Variants in SPICE1 observed in about 807,000 individuals in gnomAD.
SPICE1 encodes spindle and centriole-associated protein 1.
Under a neutral mutation model 102.7 loss-of-function variants are expected in SPICE1, and 75 were observed. The ratio of observed to expected loss-of-function variants is 0.73; its 90% CI spans 0.61 to 0.88. SPICE1 has a LOEUF of 0.88. Among genes scored for constraint, SPICE1 ranks in the 40% least tolerant of loss-of-function variants. The probability of loss-of-function intolerance (pLI) is 0.00; values close to 1 mark genes in which losing one functional copy is unlikely to be tolerated. For missense variants in SPICE1, 979 were observed against 1,020.1 expected (o/e 0.96, Z 0.55); for synonymous variants, 308 against 350.3 (o/e 0.88, Z 1.35).
At chr3:113,499,285 C>G in intron 4 of SPICE1, 154 bp downstream of exon 4, 1 of 733,152 alleles carries the variant, frequency 1.4e-6, no homozygotes, top group Non-Finnish European at 2.0e-6. Flanking sequence ...CTCCAGTCAC[C>G]ACTCTGTTGC....
chr3:113,485,058 C>T (rs746701292), intron 7 of SPICE1, among the ~76,000 whole-genome samples: 9 of 152,224 alleles, frequency 5.9e-5, no homozygotes, highest in African/African-American at 1.4e-4. Flanking sequence ...CCACAGTCTT[C>T]GCAACCCGCA....
At chr3:113,497,682 T>TAG (rs71134894) in intron 4 of SPICE1, among the ~76,000 whole-genome samples, 22,264 of 136,096 alleles carry the variant, frequency 0.16, 2,314 homozygotes, top group East Asian at 0.3. Context: ...CATACATACA[T>TAG]AGAGAGAGAG....
At chr3:113,449,351 A>G (rs1935589708) in intron 15 of SPICE1, 1 of 152,220 alleles carries the variant, frequency 6.6e-6, no homozygotes, top group African/African-American at 2.4e-5. Context: ...GTTCGCACAT[A>G]GTACATGTTC....
chr3:113,483,316 G>A (rs1417637391), intron 7 of SPICE1, among the ~76,000 whole-genome samples: 1 of 152,150 alleles, frequency 6.6e-6, no homozygotes, highest in Non-Finnish European at 1.5e-5. Context: ...CTGAGACGAT[G>A]GTGTTTTCTA....
intron 15 of SPICE1, chr3:113,449,682 T>C (rs1266678084): frequency 6.6e-6 from 1 of 152,318 alleles, no homozygotes; most frequent in Admixed American, 6.5e-5. Context: ...CAATTACTGG[T>C]ACATGGAGCT....
intron 6 of SPICE1, among the ~76,000 whole-genome samples, chr3:113,489,528 C>T (rs16861045): frequency 0.043 from 6,529 of 152,240 alleles, 170 homozygotes; most frequent in East Asian, 0.1. Flanking sequence ...TCCCTTACTT[C>T]TCTGACCACT....
At chr3:113,479,127 C>T (rs4425226) in intron 7 of SPICE1, among the ~76,000 whole-genome samples, 2 of 114,622 alleles carry the variant, frequency 1.7e-5, no homozygotes, top group East Asian at 3.1e-4. Flanking sequence ...CCTCCCCCCA[C>T]CCCCCACCCC....
At chr3:113,466,455 C>T (rs1051533092) in intron 10 of SPICE1, among the ~76,000 whole-genome samples, 2 of 151,724 alleles carry the variant, frequency 1.3e-5, no homozygotes, top group South Asian at 2.1e-4. Context: ...ACTAAAAATA[C>T]GAAAATTAAC....
At chr3:113,486,494 A>G in intron 7 of SPICE1, among the ~76,000 whole-genome samples, 1 of 151,398 alleles carries the variant, frequency 6.6e-6, no homozygotes, top group South Asian at 2.1e-4. Flanking sequence ...AAATAGACAC[A>G]ATAAAAAATG....
At chr3:113,475,589 A>G (rs1171076143) in intron 7 of SPICE1, among the ~76,000 whole-genome samples, 2 of 152,142 alleles carry the variant, frequency 1.3e-5, no homozygotes, top group Non-Finnish European at 2.9e-5. Context: ...ATCCACCATG[A>G]TCAAGTGGGC....
chr3:113,481,989 ACT>A (rs1247426751), intron 7 of SPICE1, among the ~76,000 whole-genome samples: 12 of 152,320 alleles, frequency 7.9e-5, no homozygotes, highest in Middle Eastern at 3.4e-3. Context: ...GAATCGCCAC[ACT>A]GTCTTCCACA....
intron 4 of SPICE1, among the ~76,000 whole-genome samples, chr3:113,497,029 G>A (rs1936905486): frequency 6.6e-6 from 1 of 152,172 alleles, no homozygotes; most frequent in African/African-American, 2.4e-5. Context: ...CAGAACTCCT[G>A]CATTTTAGCC....
chr3:113,459,523 C>G, intron 12 of SPICE1: 1 of 984,844 alleles, frequency 1.0e-6, no homozygotes, highest in Non-Finnish European at 1.2e-6. Context: ...TAATTAAAAG[C>G]TTTCTCAGTA....
chr3:113,486,156 C>CATATATATATATATATATATAT lies in SPICE1; in HGVS notation c.611+2788_611+2789insATATATATATATATATATATAT, dbSNP rs61506451. Among the ~76,000 whole-genome samples, 8 of 142,040 alleles carry CATATATATATATATATATATAT rather than the reference C, an allele frequency of 5.6e-5. No homozygotes were observed. The East Asian group carries it at 1.5e-3, about 26-fold the overall frequency. 93.2% of individuals were successfully genotyped at this position (142,040 alleles called of 152,430 possible). ...AAATACTGAAAATAACCTAAATGAC[C>CATATATATATATATATATATAT]ATATATATATATATATAGTATATCA... is the stretch of plus-strand genomic sequence containing the variant. On this transcript the variant is annotated intron_variant, in intron 7 of 17. Coordinates refer to ENST00000295872, the MANE Select transcript of SPICE1 (RefSeq NM_144718.4).
At chr3:113,503,609 A>G (rs1212676115) in intron 2 of SPICE1, among the ~76,000 whole-genome samples, 2 of 152,208 alleles carry the variant, frequency 1.3e-5, no homozygotes, top group Non-Finnish European at 2.9e-5. Context: ...CCAGGATTCC[A>G]CAACGTAACG....
At position 113,493,225 on chromosome 3, in the gene SPICE1, T is replaced by A; in HGVS notation, c.473A>T (p.Glu158Val). 6.2e-7 allele frequency: 1 copy of A among 1,606,864 alleles called. No homozygotes were observed. The highest frequency in any genetic ancestry group is 8.5e-7 in the Non-Finnish European group (1 of 1,177,170). The part of the protein sequence containing the change: ...QDPITQSIFN[E>V]SVIEPQALND... ...CATTACCTGAGGTTCTATGACAGAC[T>A]CATTAAAGATAGATTGGGTGATAGG... Residue 158 changes from glutamate (E) to valine (V), a missense_variant, in exon 6 of 18, where the codon GAG (glutamate) becomes GTG (valine). Glu to Val is a moderately radical substitution (Grantham distance 121). Transcript: ENST00000295872.
chr3:113,451,139 A>C (rs1383921376), intron 14 of SPICE1, among the ~76,000 whole-genome samples: 1 of 152,190 alleles, frequency 6.6e-6, no homozygotes, highest in Non-Finnish European at 1.5e-5. Flanking sequence ...CAGGCTTCAA[A>C]TATGCACCAT....
chr3:113,453,683 G>A lies in SPICE1; in HGVS notation c.1925C>T (p.Thr642Ile), dbSNP rs1935712770. 6.2e-7 allele frequency: 1 copy of A among 1,614,050 alleles called. No individual in the cohort carries two copies. The highest frequency in any genetic ancestry group is 1.3e-5 in the African/African-American group (1 of 74,904). The change falls in exon 14 of 18, where the codon ACA (threonine) becomes ATA (isoleucine). Residue 642 changes from threonine (T) to isoleucine (I), a missense_variant. By Grantham distance (89) the Thr-to-Ile change is moderately conservative (BLOSUM62 -1). Coordinates refer to ENST00000295872, the MANE Select transcript of SPICE1 (RefSeq NM_144718.4). ...CAGTACTGGGAGCTCTTCTGAGAATGTGGGGCTTCTTGACTGTTGAGTGTT... is the reference window on the plus strand; with the variant it reads ...CAGTACTGGGAGCTCTTCTGAGAATATGGGGCTTCTTGACTGTTGAGTGTT... ...HSNTQQSRSP[T>I]FSEELPVLGD...
intron 7 of SPICE1, among the ~76,000 whole-genome samples, chr3:113,477,444 C>G (rs1355585011): frequency 1.3e-5 from 2 of 150,988 alleles, no homozygotes; most frequent in Admixed American, 1.3e-4. Context: ...GGGTATATAC[C>G]CAGAGGACTA....
Sources: gnomAD v4.1 joint callset for allele counts (sites outside exome capture counted in the v4.1 genomes callset) on GRCh38, gnomAD v4.1.1 for gene constraint, MANE v1.5 for transcripts, NCBI Gene and HGNC (gene_info 2026-07-23, HGNC 2026-07-21) for gene names.